Variants in ETS1 observed in about 807,000 individuals in gnomAD.
ETS1 encodes ETS proto-oncogene 1, transcription factor, also known as protein C-ets-1.
In ETS1, 15 loss-of-function variants were observed where a neutral mutation model predicts 58.6. That is an observed-to-expected ratio of 0.26 (90% CI 0.17 to 0.39). The LOEUF is 0.39. Among genes scored for constraint, ETS1 ranks in the 10% least tolerant of loss-of-function variants. ETS1 has a pLI of 1.00. For synonymous variants in ETS1, 214 were observed against 218.2 expected, an observed-to-expected ratio of 0.98 and a Z score of 0.17; for missense variants, 417 against 610.5, an observed-to-expected ratio of 0.68 and a Z score of 3.34.
rs1861900502 is a variant in ETS1 at position 128,461,358 on chromosome 11, T to C, written c.*1003A>G. 6.5e-6 allele frequency: 1 copy of C among 152,772 alleles called. No individual in the cohort carries two copies. The highest frequency in any genetic ancestry group is 2.4e-5 in the African/African-American group (1 of 41,442). 9.5% of individuals were successfully genotyped at this position (152,772 alleles called of 1,614,324 possible). A position where few individuals can be genotyped will look rare whatever the true frequency, so the allele number is the denominator to read the frequency against. On this transcript the variant is annotated 3_prime_UTR_variant, in exon 10 of 10. Coordinates refer to ENST00000392668, the MANE Select transcript of ETS1 (RefSeq NM_001143820.2). ...GTCAATCTTCCTCCTTCGATCTCCCTTCCAGGACTTCAACAGTGCTCCTAC... is the reference window on the plus strand; with the variant it reads ...GTCAATCTTCCTCCTTCGATCTCCCCTCCAGGACTTCAACAGTGCTCCTAC...
chr11:128,515,264 ACACACACACG>A (rs1208494797), intron 3 of ETS1, among the ~76,000 whole-genome samples: 1 of 151,332 alleles, frequency 6.6e-6, no homozygotes, highest in African/African-American at 2.4e-5. Flanking sequence ...ACACACACAC[ACACACACACG>A]CGCGCGTGCA....
At chr11:128,476,319 T>C (rs1340532772) in intron 8 of ETS1, among the ~76,000 whole-genome samples, 1 of 152,208 alleles carries the variant, frequency 6.6e-6, no homozygotes, top group Non-Finnish European at 1.5e-5. Context: ...ATGCATATAG[T>C]GTTCATTAGT....
chr11:128,566,378 C>T (rs559599304), intron 2 of ETS1, among the ~76,000 whole-genome samples: 2 of 152,348 alleles, frequency 1.3e-5, no homozygotes, highest in Non-Finnish European at 2.9e-5. Flanking sequence ...AGCATGTTCT[C>T]ACTGAACCGT....
At chr11:128,471,122 C>T (rs1862177170) in intron 8 of ETS1, among the ~76,000 whole-genome samples, 3 of 152,194 alleles carry the variant, frequency 2.0e-5, no homozygotes, top group Admixed American at 1.3e-4. Context: ...CACCGTTCCC[C>T]ACAAATGCCA....
intron 1 of ETS1, among the ~76,000 whole-genome samples, chr11:128,576,893 T>C (rs1341892513): frequency 6.6e-6 from 1 of 152,186 alleles, no homozygotes; most frequent in East Asian, 1.9e-4. Context: ...TCAGAGGTTA[T>C]TGCAGCCTGG....
At chr11:128,486,678 C>T (rs1862641254) in intron 5 of ETS1, among the ~76,000 whole-genome samples, 1 of 152,206 alleles carries the variant, frequency 6.6e-6, no homozygotes, top group South Asian at 2.1e-4. Context: ...AGACAAGAAG[C>T]AGGACACTGG....
chr11:128,498,566 C>CA (rs2135476623), intron 3 of ETS1, among the ~76,000 whole-genome samples: 1 of 152,284 alleles, frequency 6.6e-6, no homozygotes, highest in African/African-American at 2.4e-5. Flanking sequence ...CTTTTGGTTG[C>CA]AAAAACGTCC....
chr11:128,577,714 TA>T (rs1428839383), intron 1 of ETS1, among the ~76,000 whole-genome samples: 3 of 152,186 alleles, frequency 2.0e-5, no homozygotes, highest in African/African-American at 7.2e-5. Context: ...GATGCTTCTC[TA>T]GACCTTTGTT....
chr11:128,482,739 G>A (rs1351302172), intron 7 of ETS1, among the ~76,000 whole-genome samples: 1 of 152,144 alleles, frequency 6.6e-6, no homozygotes, highest in Non-Finnish European at 1.5e-5. Flanking sequence ...TTATGCTGCT[G>A]CGCTCATGTA....
intron 5 of ETS1, among the ~76,000 whole-genome samples, chr11:128,486,935 C>G (rs910944021): frequency 2.0e-5 from 3 of 152,226 alleles, no homozygotes; most frequent in Non-Finnish European, 4.4e-5. Context: ...CCATAAGAAT[C>G]TGACATAGAG....
At chr11:128,474,125 G>A (rs1862258708) in intron 8 of ETS1, among the ~76,000 whole-genome samples, 1 of 152,184 alleles carries the variant, frequency 6.6e-6, no homozygotes, top group South Asian at 2.1e-4. Context: ...AACAGGCAGT[G>A]GGCTATACCC....
At chr11:128,508,156 T>C (rs1448185222) in intron 3 of ETS1, among the ~76,000 whole-genome samples, 1 of 152,204 alleles carries the variant, frequency 6.6e-6, no homozygotes, top group African/African-American at 2.4e-5. Context: ...GAAAATTTTC[T>C]GTAACCAGGT....
chr11:128,511,513 A>G (rs1863392175), intron 3 of ETS1, among the ~76,000 whole-genome samples: 1 of 152,112 alleles, frequency 6.6e-6, no homozygotes, highest in African/African-American at 2.4e-5. Context: ...TATCATAGTG[A>G]TCTGTTCAAG....
intron 2 of ETS1, among the ~76,000 whole-genome samples, chr11:128,571,397 A>T (rs1247416488): frequency 6.9e-6 from 1 of 145,064 alleles, no homozygotes; most frequent in East Asian, 2.1e-4. Flanking sequence ...AGCCTGGGTG[A>T]CAGAGCGAGA....
chr11:128,534,584 C>A (rs1863945225), intron 3 of ETS1, among the ~76,000 whole-genome samples: 1 of 152,106 alleles, frequency 6.6e-6, no homozygotes, highest in Non-Finnish European at 1.5e-5. Context: ...TTTCCCCGTA[C>A]CCCTCCAACA....
Position 128,549,365 on chromosome 11 carries a change from G to A in ETS1, c.214+6926C>T, listed in dbSNP as rs1216142078. Among the ~76,000 whole-genome samples, 2 of 152,006 alleles carry A rather than the reference G, an allele frequency of 1.3e-5. No homozygotes were observed. The highest frequency in any genetic ancestry group is 2.4e-5 in the African/African-American group (1 of 41,380). On this transcript the variant is annotated intron_variant, in intron 3 of 9. Transcript: ENST00000392668. This position sits in a 1 kb window ranked among gnomAD's most constrained non-coding sequence, Gnocchi z 4.3. Reference sequence around the variant, plus strand: ...TTCACCCAGTGCCGCGGCCGGAGCCGAGCGGGGCCTGACGCCAGCCGGCGG... The same window carrying A: ...TTCACCCAGTGCCGCGGCCGGAGCCAAGCGGGGCCTGACGCCAGCCGGCGG...
intron 3 of ETS1, among the ~76,000 whole-genome samples, chr11:128,538,755 TACACACACAC>T (rs141065992): frequency 0.062 from 8,986 of 144,908 alleles, 404 homozygotes; most frequent in East Asian, 0.17. Flanking sequence ...CATACACACA[TACACACACAC>T]ACACACACAC....
chr11:128,469,676 C>T (rs1391414022), intron 8 of ETS1, among the ~76,000 whole-genome samples: 1 of 152,200 alleles, frequency 6.6e-6, no homozygotes, highest in Non-Finnish European at 1.5e-5. Context: ...TGCACAAAGT[C>T]TTGTTGCCTG....
intron 3 of ETS1, among the ~76,000 whole-genome samples, chr11:128,544,460 G>A (rs1288421715): frequency 6.6e-6 from 1 of 150,840 alleles, no homozygotes; most frequent in Non-Finnish European, 1.5e-5. Flanking sequence ...ATGTACTGAA[G>A]CTACAAGCCT....
Sources: allele counts gnomAD v4.1 joint callset (sites outside exome capture counted in the v4.1 genomes callset), GRCh38; gene constraint gnomAD v4.1.1; non-coding constraint Gnocchi (gnomAD v3.1); transcripts MANE v1.5; gene names NCBI Gene and HGNC (gene_info 2026-07-23, HGNC 2026-07-21).